Variants in DROSHA observed in about 807,000 individuals in gnomAD.
DROSHA encodes ribonuclease 3.
DROSHA carries 56 observed loss-of-function variants against 181.9 expected under a neutral mutation model. The ratio of observed to expected loss-of-function variants is 0.31; its 90% CI spans 0.25 to 0.38. The LOEUF is 0.38. Ranked by LOEUF, DROSHA falls within the 10% of genes least tolerant of loss-of-function variation. The probability of loss-of-function intolerance (pLI) is 1.00; values close to 1 mark genes in which losing one functional copy is unlikely to be tolerated. For missense variants in DROSHA, 1,218 were observed against 1,743.5 expected, an observed-to-expected ratio of 0.70 and a Z score of 5.37; for synonymous variants, 524 against 591.2, an observed-to-expected ratio of 0.89 and a Z score of 1.65.
At chr5:31,489,852 T>C (rs1476790130) in intron 13 of DROSHA, among the ~76,000 whole-genome samples, 1 of 152,044 alleles carries the variant, frequency 6.6e-6, no homozygotes, top group East Asian at 1.9e-4. Flanking sequence ...AAATACGGTG[T>C]AACTCATACA....
intron 20 of DROSHA, among the ~76,000 whole-genome samples, chr5:31,462,075 C>T (rs1748471936): frequency 6.6e-6 from 1 of 152,050 alleles, no homozygotes; most frequent in African/African-American, 2.4e-5. Flanking sequence ...CCCATGTTGC[C>T]ACTGTGTAAG....
At chr5:31,420,961 A>G (rs1224864040) in intron 30 of DROSHA, among the ~76,000 whole-genome samples, 1 of 152,192 alleles carries the variant, frequency 6.6e-6, no homozygotes, top group Admixed American at 6.5e-5. Flanking sequence ...TTATTTATTT[A>G]AGCTTTAATC....
At chr5:31,437,702 T>A (rs1745053242) in intron 23 of DROSHA, among the ~76,000 whole-genome samples, 1 of 152,156 alleles carries the variant, frequency 6.6e-6, no homozygotes, top group African/African-American at 2.4e-5. Flanking sequence ...CAGTTCCCCA[T>A]CACTCCAACT....
intron 11 of DROSHA, among the ~76,000 whole-genome samples, chr5:31,499,914 A>G (rs1330168269): frequency 1.3e-5 from 2 of 152,220 alleles, no homozygotes; most frequent in East Asian, 3.8e-4. Context: ...CACTACCTAC[A>G]GTGGGAGGTC....
rs1479843485 is a variant in DROSHA at position 31,514,647 on chromosome 5, A to C, written c.1290+341T>G. 6.6e-6 allele frequency among the ~76,000 whole-genome samples: 1 copy of C among 152,172 alleles called. No individual in the cohort carries two copies. Among genetic ancestry groups the C allele is most frequent in the Non-Finnish European group, 1.5e-5 (1 of 68,034 alleles). ...GTGACAGAGCGAGACCCTGTCTCAAAAATAAATAAATAAAAATGCATTATA... is the reference window on the plus strand; with the variant it reads ...GTGACAGAGCGAGACCCTGTCTCAACAATAAATAAATAAAAATGCATTATA... On this transcript the variant is annotated intron_variant, in intron 8 of 35. Coordinates refer to ENST00000344624, the MANE Select transcript of DROSHA (RefSeq NM_001382508.1). This position sits in a 1 kb window ranked among gnomAD's most constrained non-coding sequence, Gnocchi z 4.4.
At chr5:31,464,455 G>A in intron 19 of DROSHA, 112 bp from the exon 20 acceptor site, 2 of 908,800 alleles carry the variant, frequency 2.2e-6, no homozygotes, top group South Asian at 3.2e-5. Context: ...CCTACATTCA[G>A]ATACTCAAAC....
rs888726577 is a variant in DROSHA at position 31,406,801 on chromosome 5, T to C, written c.3947+52A>G. 5.2e-6 allele frequency: 8 copies of C among 1,533,556 alleles called. No individual in the cohort carries two copies. The African/African-American group carries it at 6.8e-5, about 13-fold the overall frequency. 95.0% of individuals were successfully genotyped at this position (1,533,556 alleles called of 1,614,324 possible). On this transcript the variant is annotated intron_variant, in intron 34 of 35. Coordinates refer to ENST00000344624, the MANE Select transcript of DROSHA (RefSeq NM_001382508.1). ...AGTTTGGAGATAGCAGCTAGGGAAT[T>C]AGACACACAGGATGTTCATTCAAAG...
rs60787366 is a variant in DROSHA at position 31,521,800 on chromosome 5, T to TA, written c.855-586dup. Among the ~76,000 whole-genome samples the TA allele has an allele frequency of 4.3e-3, 651 of 150,984 alleles. 9 individuals carry two copies. Among genetic ancestry groups the TA allele is most frequent in the African/African-American group, 0.015 (601 of 41,248 alleles). On this transcript the variant is annotated intron_variant, in intron 5 of 35. Transcript: ENST00000344624. ...ATAGAGATGTTGGGCTTACTTAATGTAAAAAAAAATAGATGAGGAATTTTT... is the reference window on the plus strand; with the variant it reads ...ATAGAGATGTTGGGCTTACTTAATGTAAAAAAAAAATAGATGAGGAATTTTT...
intron 6 of DROSHA, among the ~76,000 whole-genome samples, chr5:31,520,211 AT>A (rs1367360005): frequency 6.6e-6 from 1 of 151,884 alleles, no homozygotes; most frequent in Admixed American, 6.6e-5. Context: ...ATTCAAGTTA[AT>A]TTTTTAAACG....
At chr5:31,442,584 C>T (rs569534269) in intron 23 of DROSHA, among the ~76,000 whole-genome samples, 1 of 152,260 alleles carries the variant, frequency 6.6e-6, no homozygotes, top group East Asian at 1.9e-4. Flanking sequence ...GAATTCAATG[C>T]ACTTTATAAA....
In DROSHA at chr5:31,526,373, T is replaced by C; in HGVS notation, c.560A>G (p.Asn187Ser). 3 of 1,613,692 alleles carry C rather than the reference T, an allele frequency of 1.9e-6. No homozygotes were observed. The highest frequency in any genetic ancestry group is 2.2e-5 in the East Asian group (1 of 44,848). The change falls in exon 5 of 36, where the codon AAC becomes AGC. Residue 187 changes from asparagine (N) to serine (S), a missense_variant. By Grantham distance (46) the Asn-to-Ser change is conservative. Transcript: ENST00000344624. ...ACTGGGCAGGAAAGAACTAGGGTTG[T>C]TCTGGAAACTATTAAAACTGGGAGG... Reference protein sequence around the residue: ...FPPPSFNSFQNNPSSFLPSAN... With the variant: ...FPPPSFNSFQSNPSSFLPSAN...
At chr5:31,436,760 ACAC>A in intron 24 of DROSHA, among the ~76,000 whole-genome samples, 1 of 113,914 alleles carries the variant, frequency 8.8e-6, no homozygotes, top group East Asian at 2.0e-4. Flanking sequence ...ACACACACAC[ACAC>A]ACACACACAC....
In DROSHA at chr5:31,401,439, T is replaced by C. The variant is rs1739982872; in HGVS notation, c.4118A>G (p.Lys1373Arg). Reference protein sequence around the residue: ...EREPDETEDIKK With the variant: ...EREPDETEDIRK ...ACACTTGCATGCCCTCCTTTATTTC[T>C]TGATGTCTTCAGTCTCATCTGGCTC... is the stretch of plus-strand genomic sequence containing the variant. The change falls in exon 36 of 36, where the codon AAG (lysine) becomes AGG (arginine). Residue 1373 changes from lysine (K) to arginine (R), a missense_variant. Physicochemically the swap from Lys to Arg is conservative, Grantham distance 26. Coordinates refer to ENST00000344624, the MANE Select transcript of DROSHA (RefSeq NM_001382508.1). 6.2e-7 allele frequency: 1 copy of C among 1,612,922 alleles called. No homozygotes were observed.
At chr5:31,497,003 G>C (rs1200855416) in intron 11 of DROSHA, among the ~76,000 whole-genome samples, 2 of 152,220 alleles carry the variant, frequency 1.3e-5, no homozygotes, top group Non-Finnish European at 2.9e-5. Flanking sequence ...CCATGACCCA[G>C]GTGGTGACTG....
chr5:31,463,012 G>A (rs1464459984), intron 20 of DROSHA, among the ~76,000 whole-genome samples: 1 of 152,060 alleles, frequency 6.6e-6, no homozygotes, highest in Non-Finnish European at 1.5e-5. Flanking sequence ...TCTGCTCACT[G>A]GTCTGATGAT....
At chr5:31,488,337 C>T (rs553690414) in intron 13 of DROSHA, among the ~76,000 whole-genome samples, 8 of 148,064 alleles carry the variant, frequency 5.4e-5, no homozygotes, top group African/African-American at 1.5e-4. Context: ...CACTTGAACC[C>T]GGGAGTTGGA....
At chr5:31,444,469 G>A (rs182693097) in intron 23 of DROSHA, among the ~76,000 whole-genome samples, 4 of 152,232 alleles carry the variant, frequency 2.6e-5, no homozygotes, top group Admixed American at 1.3e-4. Flanking sequence ...CTTCTGCCAC[G>A]GTAAGAAAGC....
At chr5:31,512,550 C>G (rs185323129) in intron 8 of DROSHA, among the ~76,000 whole-genome samples, 1 of 152,252 alleles carries the variant, frequency 6.6e-6, no homozygotes, top group East Asian at 1.9e-4. Flanking sequence ...GAGCCACCAG[C>G]CCCTCCCAAA....
At chr5:31,442,231 T>C (rs1745680256) in intron 23 of DROSHA, among the ~76,000 whole-genome samples, 1 of 152,228 alleles carries the variant, frequency 6.6e-6, no homozygotes, top group South Asian at 2.1e-4. Context: ...ACATATGTTT[T>C]TCTGTATCTA....
Sources: gnomAD v4.1 joint callset for allele counts (sites outside exome capture counted in the v4.1 genomes callset) on GRCh38, gnomAD v4.1.1 for gene constraint, Gnocchi (gnomAD v3.1) non-coding constraint, MANE v1.5 for transcripts, NCBI Gene and HGNC (gene_info 2026-07-23, HGNC 2026-07-21) for gene names.